The following PDPR variants were observed in gnomAD, a reference collection of about 807,000 sequenced individuals.
The protein encoded by PDPR is pyruvate dehydrogenase phosphatase regulatory subunit, also known as pyruvate dehydrogenase phosphatase regulatory subunit, mitochondrial.
PDPR carries 50 observed loss-of-function variants against 102.2 expected under a neutral mutation model. That is an observed-to-expected ratio of 0.49 (90% CI 0.39 to 0.62). PDPR has a LOEUF of 0.62. Ranked by LOEUF, PDPR falls within the 20% of genes least tolerant of loss-of-function variation. The probability of loss-of-function intolerance (pLI) is 0.00; values close to 1 mark genes in which losing one functional copy is unlikely to be tolerated. For missense variants in PDPR, 625 were observed against 1,098.2 expected, an observed-to-expected ratio of 0.57 and a Z score of 6.09; for synonymous variants, 259 against 406.0, an observed-to-expected ratio of 0.64 and a Z score of 4.35.
At chr16:70,119,299 A>G (rs1962976273) in intron 2 of PDPR, among the ~76,000 whole-genome samples, 1 of 152,120 alleles carries the variant, frequency 6.6e-6, no homozygotes, top group Admixed American at 6.6e-5. Flanking sequence ...GCTCTCCACC[A>G]TGGAGCCAGA....
intron 18 of PDPR, among the ~76,000 whole-genome samples, chr16:70,155,922 T>G (rs367759303): frequency 6.6e-6 from 1 of 151,898 alleles, no homozygotes; most frequent in Non-Finnish European, 1.5e-5. Context: ...CCTGTCTCAG[T>G]CTCCCTAGAA....
At chr16:70,142,855 T>TCCGG (rs1965872282) in intron 13 of PDPR, among the ~76,000 whole-genome samples, 169 bp downstream of exon 13, 1 of 152,262 alleles carries the variant, frequency 6.6e-6, no homozygotes, top group African/African-American at 2.4e-5. Flanking sequence ...AGGTCAGAGT[T>TCCGG]CCAGACCAGC....
intron 17 of PDPR, among the ~76,000 whole-genome samples, chr16:70,150,827 T>A (rs1966676773): frequency 6.6e-6 from 1 of 152,258 alleles, no homozygotes; most frequent in African/African-American, 2.4e-5. Flanking sequence ...ATTACTATTT[T>A]TTAGTGCAGT....
Sources: allele counts gnomAD v4.1 joint callset (sites outside exome capture counted in the v4.1 genomes callset), GRCh38; gene constraint gnomAD v4.1.1; transcripts MANE v1.5; gene names NCBI Gene and HGNC (gene_info 2026-07-23, HGNC 2026-07-21).